Variants in ABHD2 observed in about 807,000 individuals in gnomAD.
ABHD2 encodes abhydrolase domain containing 2, acylglycerol lipase.
ABHD2 carries 20 observed loss-of-function variants against 48.1 expected under a neutral mutation model. That is an observed-to-expected ratio of 0.42 (90% CI 0.29 to 0.60). ABHD2 has a LOEUF of 0.60. Ranked by LOEUF, ABHD2 falls within the 20% of genes least tolerant of loss-of-function variation. The pLI is 0.24. For missense variants in ABHD2, 405 were observed against 550.9 expected, an observed-to-expected ratio of 0.74 and a Z score of 2.65; for synonymous variants, 209 against 214.2, an observed-to-expected ratio of 0.98 and a Z score of 0.21.
intron 6 of ABHD2, among the ~76,000 whole-genome samples, chr15:89,180,046 T>C (rs992212232): frequency 2.6e-5 from 4 of 152,228 alleles, no homozygotes; most frequent in South Asian, 2.1e-4. Flanking sequence ...ACTGGGACTT[T>C]CCTAAAATTT....
chr15:89,133,834 A>C (rs1232634838), intron 3 of ABHD2, among the ~76,000 whole-genome samples: 1 of 123,782 alleles, frequency 8.1e-6, no homozygotes, highest in African/African-American at 3.1e-5. Flanking sequence ...GCCATGCATA[A>C]TTTTTTTTTT....
intron 1 of ABHD2, among the ~76,000 whole-genome samples, chr15:89,101,085 A>G (rs942490544): frequency 2.6e-5 from 4 of 152,166 alleles, no homozygotes; most frequent in African/African-American, 4.8e-5. Context: ...TCAACAATCA[A>G]TGGGTAGATT....
the ABHD2 span, among the ~76,000 whole-genome samples, chr15:89,071,786 A>G: frequency 2.0e-5 from 3 of 152,132 alleles, no homozygotes; most frequent in African/African-American, 7.2e-5. Flanking sequence ...TGCTTAAGTT[A>G]TTGCTATTGG....
chr15:89,174,201 C>T lies in ABHD2; in HGVS notation c.539-1611C>T, dbSNP rs750014653. On this transcript the variant is annotated intron_variant, in intron 5 of 10. Coordinates refer to ENST00000352732, the MANE Select transcript of ABHD2 (RefSeq NM_152924.5). The surrounding 1 kb of genome is among the most constrained non-coding windows in gnomAD (Gnocchi z 4.1). ...TGTATTGATGCATAATATTGCCAGA[C>T]ATATTGTAAAGGGAAAAAAAGAGCC... 1.3e-5 allele frequency among the ~76,000 whole-genome samples: 2 copies of T among 151,944 alleles called. No individual in the cohort carries two copies. The highest frequency in any genetic ancestry group is 2.9e-5 in the Non-Finnish European group (2 of 67,994).
rs566959500 is a variant in ABHD2 at position 89,135,051 on chromosome 15, T to A, written c.195-16626T>A. On this transcript the variant is annotated intron_variant, in intron 3 of 10. Transcript: ENST00000352732. ...CATTTTAATCCTTAAAGTCATCTCT[T>A]GATTGGTGTGTTCTTTCTTTATTTA... is the stretch of plus-strand genomic sequence containing the variant. 3.3e-5 allele frequency among the ~76,000 whole-genome samples: 5 copies of A among 152,220 alleles called. No homozygotes were observed. The East Asian group carries it at 9.6e-4, about 29-fold the overall frequency.
chr15:89,132,102 C>T (rs2050229017), intron 3 of ABHD2, among the ~76,000 whole-genome samples: 1 of 152,096 alleles, frequency 6.6e-6, no homozygotes, highest in Non-Finnish European at 1.5e-5. Context: ...GTTTTGCTGG[C>T]ATTGTTTATT....
rs1306210221 is a variant in ABHD2 at position 89,201,650 on chromosome 15, C to A, written c.*6227C>A. On this transcript the variant is annotated 3_prime_UTR_variant, in exon 11 of 11. Coordinates refer to ENST00000352732, the MANE Select transcript of ABHD2 (RefSeq NM_152924.5). ...AGTACCGGTGAGGCACGGTAGTCTT[C>A]ACTTTGAAACACACTTTTCTATCCG... is the stretch of plus-strand genomic sequence containing the variant. 6.2e-7 allele frequency: 1 copy of A among 1,604,830 alleles called. No homozygotes were observed. The highest frequency in any genetic ancestry group is 1.3e-5 in the African/African-American group (1 of 74,838).
At chr15:89,068,221 CAA>C in the ABHD2 span, among the ~76,000 whole-genome samples, 7 of 143,464 alleles carry the variant, frequency 4.9e-5, no homozygotes, top group Non-Finnish European at 1.1e-4. Context: ...CACACACACA[CAA>C]ACTCTGTGTG....
rs988836321 is a variant in ABHD2, at chr15:89,167,962, A to G, written c.539-7850A>G. On this transcript the variant is annotated intron_variant, in intron 5 of 10. Transcript: ENST00000352732. This position sits in a 1 kb window ranked among gnomAD's most constrained non-coding sequence, Gnocchi z 5.5. ...TGTGCCTTTATTCCAGACGATTCAA[A>G]CTTCCTTCTTATCCACCTGACATTT... Among the ~76,000 whole-genome samples the G allele has an allele frequency of 6.6e-6, 1 of 152,148 alleles. No individual in the cohort carries two copies. The highest frequency in any genetic ancestry group is 2.4e-5 in the African/African-American group (1 of 41,424).
At chr15:89,098,489 C>T (rs754133625) in intron 1 of ABHD2, among the ~76,000 whole-genome samples, 63 of 152,172 alleles carry the variant, frequency 4.1e-4, no homozygotes, top group Non-Finnish European at 1.5e-4. Flanking sequence ...GGAGGCTTTC[C>T]ACAGTGCTAA....
At chr15:89,064,323 G>T in the ABHD2 span, among the ~76,000 whole-genome samples, 1 of 149,874 alleles carries the variant, frequency 6.7e-6, no homozygotes, top group South Asian at 2.1e-4. Flanking sequence ...GGGTTTAAGC[G>T]ATTCTCCTGC....
Position 89,114,751 on chromosome 15 carries a change from A to G in ABHD2, c.-7+927A>G, listed in dbSNP as rs963252728. Among the ~76,000 whole-genome samples the G allele has an allele frequency of 8.5e-5, 13 of 152,244 alleles. No individual in the cohort carries two copies. The highest frequency in any genetic ancestry group is 2.2e-4 in the African/African-American group (9 of 41,558). ...CACCCACTTTGGCCTCCCAAAGTGC[A>G]TGATTACAGGCATGAGCCATGGTGC... is the stretch of plus-strand genomic sequence containing the variant. On this transcript the variant is annotated intron_variant, in intron 2 of 10. Transcript: ENST00000352732. This position sits in a 1 kb window ranked among gnomAD's most constrained non-coding sequence, Gnocchi z 4.2.
chr15:89,117,306 A>G (rs2049977211), intron 3 of ABHD2, among the ~76,000 whole-genome samples: 1 of 152,226 alleles, frequency 6.6e-6, no homozygotes, highest in Non-Finnish European at 1.5e-5. Context: ...GATTACAGGC[A>G]TGAGCCACTG....
intron 1 of ABHD2, among the ~76,000 whole-genome samples, chr15:89,099,901 C>G (rs755687760): frequency 4.5e-4 from 68 of 152,124 alleles, no homozygotes; most frequent in Non-Finnish European, 8.1e-4. Flanking sequence ...AGAGCAAGAC[C>G]CTGTCTCAAA....
At chr15:89,071,336 G>A in the ABHD2 span, among the ~76,000 whole-genome samples, 3 of 152,186 alleles carry the variant, frequency 2.0e-5, no homozygotes, top group South Asian at 2.1e-4. Flanking sequence ...CAGGAGAACC[G>A]CTTGAACCCG....
the ABHD2 span, among the ~76,000 whole-genome samples, chr15:89,062,590 G>A: frequency 2.7e-3 from 405 of 152,182 alleles, no homozygotes; most frequent in African/African-American, 9.4e-3. Flanking sequence ...GTTTCACCAC[G>A]TTGCCCAGGC....
chr15:89,133,074 C>G (rs1479160816), intron 3 of ABHD2, among the ~76,000 whole-genome samples: 1 of 152,182 alleles, frequency 6.6e-6, no homozygotes, highest in Non-Finnish European at 1.5e-5. Flanking sequence ...GGTCAAGAAG[C>G]CTGGCTGCAT....
chr15:89,154,603 C>A (rs2050641966), intron 4 of ABHD2, among the ~76,000 whole-genome samples: 1 of 152,040 alleles, frequency 6.6e-6, no homozygotes, highest in African/African-American at 2.4e-5. Flanking sequence ...ATATAGATAT[C>A]TTTTTTTTCT....
Position 89,202,038 on chromosome 15 carries a change from C to T in ABHD2, c.*6615C>T, listed in dbSNP as rs928336269. On this transcript the variant is annotated 3_prime_UTR_variant, in exon 11 of 11. Coordinates refer to ENST00000352732, the MANE Select transcript of ABHD2 (RefSeq NM_152924.5). ...TTTTCTGAAACTTAAAATGCTGCCC[C>T]GAAAATACTATATTTTTGAGTTTGT... 4.0e-5 allele frequency: 15 copies of T among 376,962 alleles called. No individual in the cohort carries two copies. Among genetic ancestry groups the T allele is most frequent in the East Asian group, 1.1e-4 (2 of 17,396 alleles). The allele number at this position is 376,962 out of a possible 1,614,324, so 23.4% of individuals were successfully genotyped here.
Sources: allele counts gnomAD v4.1 joint callset (sites outside exome capture counted in the v4.1 genomes callset), GRCh38; gene constraint gnomAD v4.1.1; non-coding constraint Gnocchi (gnomAD v3.1); transcripts MANE v1.5; gene names NCBI Gene and HGNC (gene_info 2026-07-23, HGNC 2026-07-21).